The following PTPRG variants were observed in gnomAD, a reference collection of about 807,000 sequenced individuals.
PTPRG encodes protein tyrosine phosphatase receptor type G.
In PTPRG, 102 loss-of-function variants were observed where a neutral mutation model predicts 165.3. The observed-to-expected ratio is 0.62, with a 90% CI of 0.53 to 0.73. The LOEUF is 0.73. Ranked by LOEUF, PTPRG falls within the 30% of genes least tolerant of loss-of-function variation. The pLI is 0.00. For synonymous variants in PTPRG, 675 were observed against 669.5 expected, an observed-to-expected ratio of 1.01 and a Z score of -0.13; for missense variants, 1,866 against 1,861.4, an observed-to-expected ratio of 1.00 and a Z score of -0.05.
intron 14 of PTPRG, among the ~76,000 whole-genome samples, chr3:62,242,332 A>AG (rs995742294): frequency 4.6e-5 from 7 of 152,184 alleles, no homozygotes; most frequent in Non-Finnish European, 1.0e-4. Flanking sequence ...AACAAAAAAA[A>AG]CACGCTCATT....
intron 2 of PTPRG, among the ~76,000 whole-genome samples, chr3:61,976,670 G>C (rs761405032): frequency 2.6e-5 from 4 of 151,412 alleles, no homozygotes; most frequent in Non-Finnish European, 4.4e-5. Context: ...AGACTGTAGG[G>C]TCTTTTTAAA....
chr3:62,139,763 T>G, intron 6 of PTPRG, among the ~76,000 whole-genome samples: 1 of 152,210 alleles, frequency 6.6e-6, no homozygotes, highest in East Asian at 1.9e-4. Flanking sequence ...TGGCTCACAT[T>G]TGGGGTCTCC....
chr3:62,271,646 T>C lies in PTPRG; in HGVS notation c.3182+91T>C, dbSNP rs1576204794. 3 of 1,213,920 alleles carry C rather than the reference T, an allele frequency of 2.5e-6. No individual in the cohort carries two copies. The South Asian group carries it at 4.9e-5, about 20-fold the overall frequency. 75.2% of individuals were successfully genotyped at this position (1,213,920 alleles called of 1,614,324 possible). A position where few individuals can be genotyped will look rare whatever the true frequency, so the allele number is the denominator to read the frequency against. ...CCACAATGATTGCTACTGCTTTCACTTAGAAGCTGAATCTTCCACTGGAAA... is the reference window on the plus strand; with the variant it reads ...CCACAATGATTGCTACTGCTTTCACCTAGAAGCTGAATCTTCCACTGGAAA... On this transcript the variant is annotated intron_variant, in intron 21 of 29. Coordinates refer to ENST00000474889, the MANE Select transcript of PTPRG (RefSeq NM_002841.4). The surrounding 1 kb of genome is among the most constrained non-coding windows in gnomAD (Gnocchi z 4.1).
intron 8 of PTPRG, among the ~76,000 whole-genome samples, chr3:62,169,749 CT>C: frequency 6.6e-6 from 1 of 152,240 alleles, no homozygotes; most frequent in East Asian, 1.9e-4. Context: ...AAAGGGAGAG[CT>C]TGTGTCATTT....
chr3:62,125,003 C>G (rs1427782605), intron 5 of PTPRG, among the ~76,000 whole-genome samples: 3 of 152,108 alleles, frequency 2.0e-5, no homozygotes, highest in African/African-American at 7.2e-5. Flanking sequence ...AGAGTGAGCC[C>G]ATCACAGTCT....
At chr3:62,141,047 C>T (rs969709441) in intron 6 of PTPRG, among the ~76,000 whole-genome samples, 14 of 151,954 alleles carry the variant, frequency 9.2e-5, no homozygotes, top group African/African-American at 2.4e-5. Context: ...AAGAATAGCT[C>T]ATATATATTA....
At chr3:62,152,238 G>A (rs1704363358) in intron 6 of PTPRG, among the ~76,000 whole-genome samples, 1 of 151,392 alleles carries the variant, frequency 6.6e-6, no homozygotes, top group African/African-American at 2.4e-5. Flanking sequence ...CAGGCATGGT[G>A]ATACAAGCCT....
chr3:61,950,860 A>G lies in PTPRG; in HGVS notation c.191-38765A>G, dbSNP rs144332393. ...CAGTTGCTGCATGGCATATACGTAA[A>G]TATTATCCTATTTGAAGAACGGGAT... On this transcript the variant is annotated intron_variant, in intron 2 of 29. Transcript: ENST00000474889. Among the ~76,000 whole-genome samples the G allele has an allele frequency of 2.3e-4, 35 of 152,338 alleles. 1 individual carries two copies. Among genetic ancestry groups the G allele is most frequent in the African/African-American group, 8.4e-4 (35 of 41,586 alleles).
intron 17 of PTPRG, among the ~76,000 whole-genome samples, chr3:62,265,036 A>C (rs895223470): frequency 6.6e-6 from 1 of 151,286 alleles, no homozygotes; most frequent in Non-Finnish European, 1.5e-5. Context: ...CATGTCCCCA[A>C]TTATTAGTGA....
At chr3:61,995,453 T>C (rs2041008700) in intron 3 of PTPRG, among the ~76,000 whole-genome samples, 1 of 152,102 alleles carries the variant, frequency 6.6e-6, no homozygotes, top group South Asian at 2.1e-4. Flanking sequence ...TGATGGACTT[T>C]TGTGCCTAGC....
At chr3:61,611,929 C>T (rs11714157) in intron 1 of PTPRG, among the ~76,000 whole-genome samples, 13 of 152,026 alleles carry the variant, frequency 8.6e-5, no homozygotes, top group Non-Finnish European at 1.6e-4. Flanking sequence ...AGTTTGTTAA[C>T]CCCTGCTGTA....
Position 62,100,077 on chromosome 3 carries a change from T to A in PTPRG, c.615+21819T>A, listed in dbSNP as rs555492965. 1.1e-4 allele frequency among the ~76,000 whole-genome samples: 17 copies of A among 152,188 alleles called. No individual in the cohort carries two copies. The South Asian group carries it at 3.5e-3, about 32-fold the overall frequency. On this transcript the variant is annotated intron_variant, in intron 5 of 29. Transcript: ENST00000474889. ...CTCCCAAAGTGGATAAATCTTTTAATAATGTAATTTTTAGATGAGGAAACT... is the reference window on the plus strand; with the variant it reads ...CTCCCAAAGTGGATAAATCTTTTAAAAATGTAATTTTTAGATGAGGAAACT...
intron 4 of PTPRG, among the ~76,000 whole-genome samples, chr3:62,065,896 G>A (rs968587588): frequency 2.0e-5 from 3 of 152,220 alleles, no homozygotes; most frequent in Non-Finnish European, 4.4e-5. Context: ...ACACTAAAGG[G>A]TGTGGTTTGG....
rs115575161 is a variant in PTPRG, at chr3:62,007,158, A to G, written c.519+3661A>G. ...CTGAATTTTAAACATGTGCCCCACA[A>G]GAAGCTGGATCTGCTCCCTGAGGGT... On this transcript the variant is annotated intron_variant, in intron 4 of 29. Coordinates refer to ENST00000474889, the MANE Select transcript of PTPRG (RefSeq NM_002841.4). Among the ~76,000 whole-genome samples the G allele has an allele frequency of 8.4e-3, 1,282 of 152,278 alleles. 26 individuals carry two copies. The highest frequency in any genetic ancestry group is 0.03 in the African/African-American group (1,233 of 41,540).
chr3:62,278,923 A>G (rs1161589929), intron 26 of PTPRG, among the ~76,000 whole-genome samples: 1 of 152,048 alleles, frequency 6.6e-6, no homozygotes, highest in African/African-American at 2.4e-5. Flanking sequence ...ACCATAAAGC[A>G]TCTACCCAGC....
chr3:62,049,697 A>G lies in PTPRG; in HGVS notation c.520-28466A>G, dbSNP rs145320365. ...CATTTCTGGGGAAACTTAGACATGT[A>G]TAATATCTTACGAGTTGTGCAGTAC... On this transcript the variant is annotated intron_variant, in intron 4 of 29. Coordinates refer to ENST00000474889, the MANE Select transcript of PTPRG (RefSeq NM_002841.4). Among the ~76,000 whole-genome samples, 133 of 152,314 alleles carry G rather than the reference A, an allele frequency of 8.7e-4. No individual in the cohort carries two copies. In the East Asian group the frequency reaches 0.02, roughly 23 times the overall value.
chr3:62,042,785 A>G (rs972200702), intron 4 of PTPRG, among the ~76,000 whole-genome samples: 1 of 152,122 alleles, frequency 6.6e-6, no homozygotes, highest in Admixed American at 6.6e-5. Flanking sequence ...TTTAGGCCCT[A>G]CGAATCCCTG....
intron 4 of PTPRG, among the ~76,000 whole-genome samples, chr3:62,018,675 C>T (rs2041609665): frequency 6.6e-6 from 1 of 152,148 alleles, no homozygotes; most frequent in Non-Finnish European, 1.5e-5. Context: ...AGGTAATGCC[C>T]CAGCAGTAGC....
intron 2 of PTPRG, among the ~76,000 whole-genome samples, chr3:61,789,342 A>G (rs2034804528): frequency 6.6e-6 from 1 of 152,150 alleles, no homozygotes; most frequent in Non-Finnish European, 1.5e-5. Context: ...TCCTGATCTC[A>G]AGTGATCCTC....
Sources: gnomAD v4.1 joint callset for allele counts (sites outside exome capture counted in the v4.1 genomes callset) on GRCh38, gnomAD v4.1.1 for gene constraint, Gnocchi (gnomAD v3.1) non-coding constraint, MANE v1.5 for transcripts, NCBI Gene and HGNC (gene_info 2026-07-23, HGNC 2026-07-21) for gene names.